PLCXD3: variants seen among roughly 807,000 people sequenced by gnomAD.
The protein encoded by PLCXD3 is PI-PLC X domain-containing protein 3.
PLCXD3 carries 19 observed loss-of-function variants against 25.5 expected under a neutral mutation model. The ratio of observed to expected loss-of-function variants is 0.75; its 90% confidence interval spans 0.52 to 1.09. The LOEUF (loss-of-function observed/expected upper bound fraction) is 1.09, where lower values mean the gene tolerates loss of function less well. Ranked by LOEUF, PLCXD3 falls within the 50% of genes least tolerant of loss-of-function variation. The pLI is 0.00. For synonymous variants in PLCXD3, 174 were observed against 137.6 expected, an observed-to-expected ratio of 1.26 and a Z score of -1.85; for missense variants, 411 against 388.1, an observed-to-expected ratio of 1.06 and a Z score of -0.50.
At chr5:41,355,543 T>C (rs1744594316) in intron 2 of PLCXD3, among the ~76,000 whole-genome samples, 2 of 152,174 alleles carry the variant, frequency 1.3e-5, no homozygotes, top group African/African-American at 2.4e-5. Context: ...CCACTTATGC[T>C]CCATCCAAGC....
chr5:41,364,092 G>C (rs539333373), intron 2 of PLCXD3, among the ~76,000 whole-genome samples: 1 of 152,094 alleles, frequency 6.6e-6, no homozygotes, highest in Non-Finnish European at 1.5e-5. Context: ...GGTGGGCATG[G>C]GGGGAGGGCA....
At chr5:41,379,279 T>C (rs1162829004) in intron 2 of PLCXD3, among the ~76,000 whole-genome samples, 3 of 152,098 alleles carry the variant, frequency 2.0e-5, no homozygotes, top group Non-Finnish European at 4.4e-5. Context: ...CATTTTTATA[T>C]GTACACAACT....
rs560847646 is a variant in PLCXD3, at chr5:41,373,460, A to C, written c.812+8366T>G. On this transcript the variant is annotated intron_variant, in intron 2 of 2. Coordinates refer to ENST00000377801, the MANE Select transcript of PLCXD3 (RefSeq NM_001005473.3). ...TGTGAATATTCATAGATTCTTCTGT[A>C]AACTGTTGAATATGTATACTTAGCT... is the stretch of plus-strand genomic sequence containing the variant. 2.0e-5 allele frequency among the ~76,000 whole-genome samples: 3 copies of C among 152,250 alleles called. No homozygotes were observed. In the East Asian group the frequency reaches 5.8e-4, roughly 29 times the overall value.
intron 1 of PLCXD3, among the ~76,000 whole-genome samples, chr5:41,507,077 C>T (rs572754168): frequency 3.9e-5 from 6 of 152,308 alleles, no homozygotes; most frequent in African/African-American, 1.4e-4. Flanking sequence ...TTACCAGCAC[C>T]TTATGTGTTC....
rs11306494 is a variant in PLCXD3, at chr5:41,446,537, C to CT, written c.103+63886dup. Among the ~76,000 whole-genome samples the CT allele has an allele frequency of 7.3e-3, 1,057 of 145,634 alleles. 7 individuals are homozygous for CT. The highest frequency in any genetic ancestry group is 0.018 in the African/African-American group (695 of 39,422). ...CCATGGAATGAATAAGTGCTAGTTTCTTTTTTTTTTTTTCATTTTCATGTC... is the reference window on the plus strand; with the variant it reads ...CCATGGAATGAATAAGTGCTAGTTTCTTTTTTTTTTTTTTCATTTTCATGTC... On this transcript the variant is annotated intron_variant, in intron 1 of 2. Coordinates refer to ENST00000377801, the MANE Select transcript of PLCXD3 (RefSeq NM_001005473.3).
intron 2 of PLCXD3, among the ~76,000 whole-genome samples, chr5:41,374,632 G>T (rs572703511): frequency 1.3e-5 from 2 of 152,064 alleles, no homozygotes; most frequent in African/African-American, 4.8e-5. Flanking sequence ...GAGACAGATC[G>T]AAGAAATGAA....
chr5:41,498,245 C>T (rs187044135), intron 1 of PLCXD3, among the ~76,000 whole-genome samples: 3 of 151,200 alleles, frequency 2.0e-5, no homozygotes, highest in Non-Finnish European at 4.4e-5. Flanking sequence ...ATCAACAACC[C>T]TAGGAATTTT....
At position 41,510,507 on chromosome 5, in the gene PLCXD3, T is replaced by C; in HGVS notation, c.20A>G (p.Lys7Arg). 1 of 1,613,322 alleles carries C rather than the reference T, an allele frequency of 6.2e-7. No individual in the cohort carries two copies. MASSQG[K>R]NELKLADWMA... ...CCAGTCGGCTAATTTCAGCTCGTTT[T>C]TCCCCTGAGACGAGGCCATCGTGCC... Residue 7 changes from lysine to arginine, a missense_variant, in exon 1 of 3, where the codon AAA (lysine) becomes AGA (arginine). By Grantham distance (26) the Lys-to-Arg change is conservative. Coordinates refer to ENST00000377801, the MANE Select transcript of PLCXD3 (RefSeq NM_001005473.3).
At chr5:41,479,471 C>T (rs371871189) in intron 1 of PLCXD3, among the ~76,000 whole-genome samples, 41 of 151,998 alleles carry the variant, frequency 2.7e-4, no homozygotes, top group African/African-American at 9.2e-4. Context: ...TGCCTAAAAT[C>T]GTTTAAAATG....
chr5:41,496,573 T>C lies in PLCXD3; in HGVS notation c.103+13851A>G, dbSNP rs530431749. ...TAATAACAACCAACCGAGAGCACAA[T>C]ATCTGACAAAACTGTCTTTTAAACA... On this transcript the variant is annotated intron_variant, in intron 1 of 2. Coordinates refer to ENST00000377801, the MANE Select transcript of PLCXD3 (RefSeq NM_001005473.3). Among the ~76,000 whole-genome samples the C allele has an allele frequency of 2.0e-3, 295 of 145,284 alleles. 1 individual carries two copies. The highest frequency in any genetic ancestry group is 7.4e-3 in the African/African-American group (288 of 39,086).
intron 2 of PLCXD3, among the ~76,000 whole-genome samples, chr5:41,349,768 C>T (rs886288971): frequency 7.2e-5 from 11 of 152,326 alleles, no homozygotes; most frequent in African/African-American, 2.6e-4. Context: ...AACACAATTG[C>T]ATGCATCACA....
chr5:41,376,384 C>T (rs1329542187), intron 2 of PLCXD3, among the ~76,000 whole-genome samples: 1 of 152,096 alleles, frequency 6.6e-6, no homozygotes. Context: ...ACTCAACCTA[C>T]ATAATTAGGT....
chr5:41,457,769 C>T (rs996043612), intron 1 of PLCXD3, among the ~76,000 whole-genome samples: 1 of 151,916 alleles, frequency 6.6e-6, no homozygotes, highest in Non-Finnish European at 1.5e-5. Flanking sequence ...CATAACAGGT[C>T]ACCCGTTAGA....
At chr5:41,332,856 G>A (rs889642623) in intron 2 of PLCXD3, among the ~76,000 whole-genome samples, 2 of 151,930 alleles carry the variant, frequency 1.3e-5, no homozygotes, top group Non-Finnish European at 2.9e-5. Context: ...AAAAAACCAA[G>A]CACCGCATAT....
At chr5:41,483,402 AG>A (rs1233542559) in intron 1 of PLCXD3, among the ~76,000 whole-genome samples, 1 of 152,180 alleles carries the variant, frequency 6.6e-6, no homozygotes, top group East Asian at 1.9e-4. Context: ...ATTAACCAGA[AG>A]GGTGAGATTT....
intron 1 of PLCXD3, among the ~76,000 whole-genome samples, chr5:41,422,687 A>C (rs1046573676): frequency 6.6e-6 from 1 of 152,214 alleles, no homozygotes; most frequent in Non-Finnish European, 1.5e-5. Context: ...TCTTCAATAA[A>C]GTTTTACACA....
In PLCXD3 at chr5:41,349,362, C is replaced by G. The variant is rs10038183; in HGVS notation, c.812+32464G>C. On this transcript the variant is annotated intron_variant, in intron 2 of 2. Coordinates refer to ENST00000377801, the MANE Select transcript of PLCXD3 (RefSeq NM_001005473.3). ...GTTTCATCATGATCATCAAACAGCTCCTATGGAGGACTGCTACTTTCAGAA... is the reference window on the plus strand; with the variant it reads ...GTTTCATCATGATCATCAAACAGCTGCTATGGAGGACTGCTACTTTCAGAA... Among the ~76,000 whole-genome samples the G allele has an allele frequency of 2.5e-3, 373 of 152,202 alleles. 2 individuals are homozygous for G. The highest frequency in any genetic ancestry group is 8.0e-3 in the African/African-American group (330 of 41,508).
intron 1 of PLCXD3, among the ~76,000 whole-genome samples, chr5:41,505,879 G>A (rs1197058887): frequency 6.6e-6 from 1 of 152,184 alleles, no homozygotes; most frequent in African/African-American, 2.4e-5. Context: ...CTGGCTTTAA[G>A]CCTGATTATA....
intron 2 of PLCXD3, among the ~76,000 whole-genome samples, chr5:41,330,734 A>G (rs1269340850): frequency 4.6e-5 from 7 of 152,182 alleles, no homozygotes; most frequent in Non-Finnish European, 1.0e-4. Context: ...GCACATCAAA[A>G]AGCTTATCCA....
Sources: allele counts gnomAD v4.1 joint callset (sites outside exome capture counted in the v4.1 genomes callset), GRCh38; gene constraint gnomAD v4.1.1; transcripts MANE v1.5; gene names NCBI Gene and HGNC (gene_info 2026-07-23, HGNC 2026-07-21).